KANK1: variants seen among roughly 807,000 people sequenced by gnomAD.
KANK1 encodes KN motif and ankyrin repeat domains 1, also known as KN motif and ankyrin repeat domain-containing protein 1.
In KANK1, 109 loss-of-function variants were observed where a neutral mutation model predicts 106.2. The observed-to-expected ratio is 1.03, with a 90% CI of 0.88 to 1.20. The LOEUF is 1.20. Ranked by LOEUF, KANK1 falls within the 50% of genes most tolerant of loss-of-function variation. The probability of loss-of-function intolerance (pLI) is 0.00; values close to 1 mark genes in which losing one functional copy is unlikely to be tolerated. For missense variants in KANK1, 2,399 were observed against 1,710.7 expected (o/e 1.40, Z -7.10); for synonymous variants, 873 against 652.2 (o/e 1.34, Z -5.16).
intron 1 of KANK1, among the ~76,000 whole-genome samples, chr9:664,683 G>T (rs78140266): frequency 0.054 from 8,237 of 152,204 alleles, 246 homozygotes; most frequent in African/African-American, 0.069. Context: ...TTCTTTTAGA[G>T]AAATACTCAG....
chr9:523,827 T>TTC lies in KANK1; in HGVS notation c.-84+19074_-84+19075dup, dbSNP rs911857693. ...ATCCGCTTGGCCTCTTCTTTTTTTT[T>TTC]TCCATATCAAAAATTAACCAGTATT... On this transcript the variant is annotated intron_variant, in intron 1 of 11. Coordinates refer to ENST00000382297, the MANE Select transcript of KANK1 (RefSeq NM_015158.5). 1.8e-4 allele frequency among the ~76,000 whole-genome samples: 28 copies of TTC among 151,530 alleles called. 1 individual carries two copies. Among genetic ancestry groups the TTC allele is most frequent in the African/African-American group, 6.8e-4 (28 of 40,932 alleles).
intron 1 of KANK1, among the ~76,000 whole-genome samples, chr9:608,051 G>A (rs1563851644): frequency 1.3e-4 from 3 of 22,394 alleles, no homozygotes; most frequent in Admixed American, 4.0e-4. Flanking sequence ...TTTTTTTTGA[G>A]ACGGAGTCTC....
chr9:657,972 C>A (rs1056312917), intron 1 of KANK1, among the ~76,000 whole-genome samples: 1 of 152,064 alleles, frequency 6.6e-6, no homozygotes, highest in Non-Finnish European at 1.5e-5. Context: ...TAGCTCACTA[C>A]AGCCTCGAAC....
In KANK1 at chr9:658,832, C is replaced by G. The variant is rs113510330; in HGVS notation, c.-83-18058C>G. On this transcript the variant is annotated intron_variant, in intron 1 of 11. Coordinates refer to ENST00000382297, the MANE Select transcript of KANK1 (RefSeq NM_015158.5). ...GTCTATTTCTGGGCTGTATGCTGTT[C>G]CTGGGACCATTTTTACCTTCCACCT... Among the ~76,000 whole-genome samples, 165 of 152,148 alleles carry G rather than the reference C, an allele frequency of 1.1e-3. 1 individual carries two copies. Among genetic ancestry groups the G allele is most frequent in the African/African-American group, 3.8e-3 (157 of 41,512 alleles).
rs776130512 is a variant in KANK1 at position 740,904 on chromosome 9, C to G, written c.3666C>G (p.Gly1222=). 1 of 1,614,166 alleles carries G rather than the reference C, an allele frequency of 6.2e-7. No individual in the cohort carries two copies. Among genetic ancestry groups the G allele is most frequent in the East Asian group, 2.2e-5 (1 of 44,882 alleles). The change falls in exon 9 of 12, where the codon GGC becomes GGG. Residue 1222 remains glycine (G), a synonymous_variant. Coordinates refer to ENST00000382297, the MANE Select transcript of KANK1 (RefSeq NM_015158.5). ...TGCGGATTGTGGAAGAACTCTTCGG[C>G]TGTGGGGATGTGAATGCCAAAGCTA... The part of the protein sequence containing the change: ...KDMRIVEELF[G]CGDVNAKASQ...
chr9:575,730 CA>C (rs1820379960), intron 1 of KANK1, among the ~76,000 whole-genome samples: 1 of 150,042 alleles, frequency 6.7e-6, no homozygotes, highest in East Asian at 2.0e-4. Context: ...ATGGCTTAAG[CA>C]ATAAGCTTGG....
chr9:531,464 G>T (rs777212368), intron 1 of KANK1, among the ~76,000 whole-genome samples: 1 of 152,154 alleles, frequency 6.6e-6, no homozygotes, highest in Non-Finnish European at 1.5e-5. Context: ...CTTAATTTGG[G>T]ATCAAGATCG....
chr9:522,081 GAAT>G (rs1168139927), intron 1 of KANK1, among the ~76,000 whole-genome samples: 1 of 151,580 alleles, frequency 6.6e-6, no homozygotes, highest in Non-Finnish European at 1.5e-5. Context: ...TTGATTTGTT[GAAT>G]AATGTAAATA....
chr9:568,691 A>G (rs534416519), intron 1 of KANK1, among the ~76,000 whole-genome samples: 4 of 152,170 alleles, frequency 2.6e-5, no homozygotes, highest in Non-Finnish European at 5.9e-5. Flanking sequence ...CAAAATCTCA[A>G]TATGTTGCCC....
At chr9:600,589 T>C (rs1217238691) in intron 1 of KANK1, among the ~76,000 whole-genome samples, 1 of 151,890 alleles carries the variant, frequency 6.6e-6, no homozygotes. Flanking sequence ...GCATTGTGGA[T>C]CCAACTTCAT....
At chr9:602,170 G>A (rs1430524960) in intron 1 of KANK1, among the ~76,000 whole-genome samples, 1 of 151,962 alleles carries the variant, frequency 6.6e-6, no homozygotes, top group African/African-American at 2.4e-5. Flanking sequence ...TGATAGGATA[G>A]CATTAGCATC....
intron 1 of KANK1, among the ~76,000 whole-genome samples, chr9:620,637 C>T (rs898580028): frequency 1.3e-5 from 2 of 152,040 alleles, no homozygotes; most frequent in African/African-American, 4.8e-5. Flanking sequence ...AAATGCCTGA[C>T]CTCATGATCC....
Position 712,978 on chromosome 9 carries a change from G to T in KANK1, c.2212G>T (p.Val738Phe). The T allele has an allele frequency of 6.2e-7, 1 of 1,614,230 alleles. No individual in the cohort carries two copies. The highest frequency in any genetic ancestry group is 8.5e-7 in the Non-Finnish European group (1 of 1,180,040). The change falls in exon 3 of 12, where the codon GTT (valine) becomes TTT (phenylalanine). Residue 738 changes from valine (V) to phenylalanine (F), a missense_variant. Val to Phe is a conservative substitution (Grantham distance 50). Coordinates refer to ENST00000382297, the MANE Select transcript of KANK1 (RefSeq NM_015158.5). ...NSSTKTRSIG[V>F]GTLLSGHSGF... ...CTCCACCAAGACGCGGTCCATTGGT[G>T]TTGGAACGTTGCTTTCTGGCCATTC...
intron 9 of KANK1, among the ~76,000 whole-genome samples, chr9:741,983 G>A (rs988136266): frequency 2.6e-5 from 4 of 152,124 alleles, no homozygotes; most frequent in African/African-American, 7.2e-5. Context: ...CATCCTCCAC[G>A]CTAAAATGAA....
intron 1 of KANK1, among the ~76,000 whole-genome samples, chr9:608,415 T>TC (rs143691986): frequency 0.062 from 9,456 of 151,734 alleles, 1,169 homozygotes; most frequent in African/African-American, 0.22. Context: ...TTGTGTATTC[T>TC]CTTAAAGAGC....
chr9:540,314 G>A (rs984620712), intron 1 of KANK1, among the ~76,000 whole-genome samples: 1 of 152,166 alleles, frequency 6.6e-6, no homozygotes, highest in Non-Finnish European at 1.5e-5. Flanking sequence ...CCTCGATTTT[G>A]TTAACGTGGT....
At chr9:722,355 T>C (rs1288702804) in intron 3 of KANK1, among the ~76,000 whole-genome samples, 2 of 152,080 alleles carry the variant, frequency 1.3e-5, no homozygotes, top group African/African-American at 4.8e-5. Context: ...CTGCCTCTCT[T>C]GCTCTCTCTC....
chr9:654,667 C>G (rs946196461), intron 1 of KANK1, among the ~76,000 whole-genome samples: 1 of 152,094 alleles, frequency 6.6e-6, no homozygotes, highest in African/African-American at 2.4e-5. Flanking sequence ...TTAAGTCACC[C>G]TTCTAAGACA....
At chr9:678,562 C>CTACAAAAA (rs1411007970) in intron 2 of KANK1, among the ~76,000 whole-genome samples, 3 of 151,984 alleles carry the variant, frequency 2.0e-5, no homozygotes, top group African/African-American at 7.2e-5. Flanking sequence ...AACCCCATCT[C>CTACAAAAA]TACAAAAATA....
Sources: allele counts gnomAD v4.1 joint callset (sites outside exome capture counted in the v4.1 genomes callset), GRCh38; gene constraint gnomAD v4.1.1; transcripts MANE v1.5; gene names NCBI Gene and HGNC (gene_info 2026-07-23, HGNC 2026-07-21).